The following KCNT2 variants were observed in gnomAD, a reference collection of about 807,000 sequenced individuals.
The protein encoded by KCNT2 is potassium sodium-activated channel subfamily T member 2.
KCNT2 carries 67 observed loss-of-function variants against 153.8 expected under a neutral mutation model. The ratio of observed to expected loss-of-function variants is 0.44; its 90% CI spans 0.36 to 0.53. The LOEUF is 0.53. Among genes scored for constraint, KCNT2 ranks in the 20% least tolerant of loss-of-function variants. The pLI is 0.00. For missense variants in KCNT2, 975 were observed against 1,354.8 expected, an observed-to-expected ratio of 0.72 and a Z score of 4.40; for synonymous variants, 500 against 458.8, an observed-to-expected ratio of 1.09 and a Z score of -1.15.
At chr1:196,319,420 G>T in intron 20 of KCNT2, 64 bp downstream of exon 20, 2 of 1,050,178 alleles carry the variant, frequency 1.9e-6, no homozygotes, top group African/African-American at 1.6e-5. Flanking sequence ...CAGTAACAAG[G>T]CACAGCACAT....
At chr1:196,261,861 G>A (rs1657056913) in intron 25 of KCNT2, among the ~76,000 whole-genome samples, 1 of 151,726 alleles carries the variant, frequency 6.6e-6, no homozygotes, top group African/African-American at 2.4e-5. Flanking sequence ...TAATACTAAT[G>A]TTTGTGAGAA....
At chr1:196,449,737 G>A (rs2148614705) in intron 8 of KCNT2, among the ~76,000 whole-genome samples, 1 of 151,484 alleles carries the variant, frequency 6.6e-6, no homozygotes, top group East Asian at 2.0e-4. Context: ...TTCATTATAA[G>A]GACTCTATAC....
At chr1:196,236,923 C>A (rs888329538) in intron 26 of KCNT2, among the ~76,000 whole-genome samples, 4 of 151,288 alleles carry the variant, frequency 2.6e-5, no homozygotes, top group African/African-American at 9.7e-5. Flanking sequence ...CATAATTCCT[C>A]CCATGGGTAA....
At chr1:196,279,720 GC>G (rs1658915336) in intron 25 of KCNT2, among the ~76,000 whole-genome samples, 1 of 151,466 alleles carries the variant, frequency 6.6e-6, no homozygotes, top group Non-Finnish European at 1.5e-5. Context: ...GAGCCACTGT[GC>G]CAGGCCACAT....
intron 8 of KCNT2, among the ~76,000 whole-genome samples, chr1:196,440,722 G>A (rs1675151016): frequency 6.6e-6 from 1 of 151,324 alleles, no homozygotes; most frequent in Admixed American, 6.6e-5. Context: ...TTTTTTCATG[G>A]ATATCAAAAT....
chr1:196,312,013 T>C (rs773879834), intron 21 of KCNT2, among the ~76,000 whole-genome samples: 4 of 151,854 alleles, frequency 2.6e-5, no homozygotes, highest in Non-Finnish European at 4.4e-5. Flanking sequence ...ATTGTAATGA[T>C]TGTCTTGTTA....
At chr1:196,238,884 C>T (rs1654694298) in intron 26 of KCNT2, among the ~76,000 whole-genome samples, 1 of 151,814 alleles carries the variant, frequency 6.6e-6, no homozygotes, top group Admixed American at 6.6e-5. Flanking sequence ...ATTGCAGTCA[C>T]ACATCAAAAC....
intron 1 of KCNT2, among the ~76,000 whole-genome samples, chr1:196,549,183 T>C (rs1657560179): frequency 6.6e-6 from 1 of 151,932 alleles, no homozygotes; most frequent in African/African-American, 2.4e-5. Context: ...CAAAACTTTC[T>C]GTTACTCAAT....
chr1:196,349,552 A>T (rs973053702), intron 14 of KCNT2, among the ~76,000 whole-genome samples: 1 of 152,072 alleles, frequency 6.6e-6, no homozygotes, highest in Non-Finnish European at 1.5e-5. Context: ...CATCACTGGT[A>T]AGCAAGAAAC....
chr1:196,233,298 G>A (rs538211033), intron 27 of KCNT2, among the ~76,000 whole-genome samples: 3 of 151,274 alleles, frequency 2.0e-5, no homozygotes, highest in Non-Finnish European at 4.4e-5. Context: ...TTATCAGATG[G>A]CAAAATAAAG....
intron 22 of KCNT2, among the ~76,000 whole-genome samples, chr1:196,301,036 A>G (rs1205865220): frequency 6.6e-6 from 1 of 152,170 alleles, no homozygotes; most frequent in Non-Finnish European, 1.5e-5. Context: ...CCAAAGAAGA[A>G]AACAATTACT....
At chr1:196,328,647 A>C (rs1031961864) in intron 18 of KCNT2, among the ~76,000 whole-genome samples, 3 of 151,426 alleles carry the variant, frequency 2.0e-5, no homozygotes, top group African/African-American at 4.9e-5. Context: ...AAAAAAAAAA[A>C]CCAGAAAACT....
intron 13 of KCNT2, among the ~76,000 whole-genome samples, chr1:196,388,213 A>G (rs1670163617): frequency 6.6e-6 from 1 of 151,730 alleles, no homozygotes; most frequent in Non-Finnish European, 1.5e-5. Context: ...CGTTGATGAA[A>G]ATATACAAGT....
chr1:196,333,313 T>A (rs557571881), intron 17 of KCNT2, among the ~76,000 whole-genome samples: 2 of 152,220 alleles, frequency 1.3e-5, no homozygotes, highest in South Asian at 4.1e-4. Flanking sequence ...ATTGGCGTTC[T>A]ATTATTATGG....
At chr1:196,244,704 C>A (rs1655271866) in intron 26 of KCNT2, among the ~76,000 whole-genome samples, 1 of 152,060 alleles carries the variant, frequency 6.6e-6, no homozygotes, top group Admixed American at 6.5e-5. Flanking sequence ...CAGTTAGAGT[C>A]CTAAAGTTTC....
At chr1:196,427,013 C>T (rs1473481791) in intron 10 of KCNT2, among the ~76,000 whole-genome samples, 2 of 151,994 alleles carry the variant, frequency 1.3e-5, no homozygotes, top group African/African-American at 4.8e-5. Context: ...TTTCTTTATA[C>T]ATTATCCTCT....
intron 8 of KCNT2, among the ~76,000 whole-genome samples, chr1:196,455,131 C>T (rs1443374033): frequency 6.6e-6 from 1 of 151,942 alleles, no homozygotes; most frequent in East Asian, 1.9e-4. Flanking sequence ...TCTCATCTCT[C>T]CTTATAGTGC....
At chr1:196,440,807 C>T (rs538559634) in intron 8 of KCNT2, among the ~76,000 whole-genome samples, 14 of 151,686 alleles carry the variant, frequency 9.2e-5, no homozygotes, top group Non-Finnish European at 2.1e-4. Flanking sequence ...ACTTAAAAAC[C>T]CATAAGTTTG....
intron 1 of KCNT2, among the ~76,000 whole-genome samples, chr1:196,600,448 G>A (rs930005337): frequency 2.8e-4 from 42 of 152,266 alleles, no homozygotes; most frequent in Admixed American, 1.8e-3. Flanking sequence ...TTACATGAGC[G>A]TTTAATTAAG....
Sources: allele counts gnomAD v4.1 joint callset (sites outside exome capture counted in the v4.1 genomes callset), GRCh38; gene constraint gnomAD v4.1.1; transcripts MANE v1.5; gene names NCBI Gene and HGNC (gene_info 2026-07-23, HGNC 2026-07-21).